The following GPC5 variants were observed in gnomAD, a reference collection of about 807,000 sequenced individuals.
The protein encoded by GPC5 is glypican 5, also known as glypican-5.
In GPC5, 47 loss-of-function variants were observed where a neutral mutation model predicts 53.9. The ratio of observed to expected loss-of-function variants is 0.87; its 90% CI spans 0.69 to 1.11. GPC5 has a LOEUF of 1.11. Ranked by LOEUF, GPC5 falls within the 50% of genes most tolerant of loss-of-function variation. The probability of loss-of-function intolerance (pLI) is 0.00; values close to 1 mark genes in which losing one functional copy is unlikely to be tolerated. For missense variants in GPC5, 748 were observed against 713.1 expected (o/e 1.05, Z -0.56); for synonymous variants, 286 against 263.3 (o/e 1.09, Z -0.84).
chr13:92,662,566 G>C (rs755966123), intron 7 of GPC5, among the ~76,000 whole-genome samples: 2 of 152,112 alleles, frequency 1.3e-5, no homozygotes, highest in Non-Finnish European at 2.9e-5. Flanking sequence ...TGTCCCGCCA[G>C]CCAGCCACTC....
In GPC5 at chr13:91,478,935, A is replaced by G. The variant is rs562746390; in HGVS notation, c.325+30013A>G. Among the ~76,000 whole-genome samples, 3 of 126,136 alleles carry G rather than the reference A, an allele frequency of 2.4e-5. No homozygotes were observed. In the South Asian group the frequency reaches 8.8e-4, roughly 37 times the overall value. 82.8% of individuals were successfully genotyped at this position (126,136 alleles called of 152,430 possible). On this transcript the variant is annotated intron_variant, in intron 2 of 7. Transcript: ENST00000377067. The stretch of plus-strand genomic sequence containing the variant: ...TATATATTCTTTTTTTTTTCTTTAG[A>G]TGCAGTCTTGTTCTGTTACCCACGT...
intron 6 of GPC5, among the ~76,000 whole-genome samples, chr13:92,061,360 T>C (rs997106754): frequency 1.3e-5 from 2 of 152,042 alleles, no homozygotes; most frequent in African/African-American, 2.4e-5. Flanking sequence ...TTAACTAATA[T>C]GTGGTTTACA....
chr13:91,834,864 A>C (rs1000415603), intron 5 of GPC5, among the ~76,000 whole-genome samples: 6 of 152,202 alleles, frequency 3.9e-5, no homozygotes, highest in Non-Finnish European at 8.8e-5. Context: ...AAACACCAAA[A>C]GCAATGGCAA....
At chr13:91,433,247 C>T (rs1019367907) in intron 1 of GPC5, among the ~76,000 whole-genome samples, 3 of 150,730 alleles carry the variant, frequency 2.0e-5, no homozygotes, top group East Asian at 1.9e-4. Context: ...ATGTGCACAA[C>T]ATGCAGGTTT....
chr13:92,413,270 C>T (rs1876130002), intron 7 of GPC5, among the ~76,000 whole-genome samples: 1 of 152,162 alleles, frequency 6.6e-6, no homozygotes, highest in South Asian at 2.1e-4. Flanking sequence ...GGTTTTACAG[C>T]TCCTTAACAC....
chr13:91,564,136 CAT>C (rs1160377270), intron 2 of GPC5, among the ~76,000 whole-genome samples: 4 of 152,326 alleles, frequency 2.6e-5, no homozygotes, highest in African/African-American at 4.8e-5. Flanking sequence ...TAACACGAAA[CAT>C]GTGTCCTTTT....
At chr13:92,149,556 C>T (rs2041892383) in intron 7 of GPC5, among the ~76,000 whole-genome samples, 1 of 151,946 alleles carries the variant, frequency 6.6e-6, no homozygotes, top group African/African-American at 2.4e-5. Flanking sequence ...ACAAATGTAT[C>T]CATGTCAGCG....
At chr13:92,215,705 C>T (rs948128721) in intron 7 of GPC5, among the ~76,000 whole-genome samples, 1 of 152,208 alleles carries the variant, frequency 6.6e-6, no homozygotes, top group Non-Finnish European at 1.5e-5. Flanking sequence ...TTCATGGTTT[C>T]ATTCTTGTCC....
At chr13:92,410,034 A>G (rs372145672) in intron 7 of GPC5, among the ~76,000 whole-genome samples, 2 of 152,326 alleles carry the variant, frequency 1.3e-5, no homozygotes, top group East Asian at 3.9e-4. Flanking sequence ...TTATCTTGAT[A>G]TATTTCATAT....
chr13:91,793,062 C>A (rs1430746453), intron 5 of GPC5, among the ~76,000 whole-genome samples: 1 of 152,108 alleles, frequency 6.6e-6, no homozygotes, highest in African/African-American at 2.4e-5. Context: ...AGTCTGTTCT[C>A]ATTCTGCTGC....
intron 2 of GPC5, among the ~76,000 whole-genome samples, chr13:91,572,574 C>T (rs10047728): frequency 0.13 from 19,596 of 151,762 alleles, 1,608 homozygotes; most frequent in African/African-American, 0.22. Flanking sequence ...GTGCCAGGCT[C>T]TTTAAACAAC....
intron 7 of GPC5, among the ~76,000 whole-genome samples, chr13:92,345,732 A>G (rs1422438150): frequency 6.6e-6 from 1 of 152,148 alleles, no homozygotes; most frequent in East Asian, 1.9e-4. Flanking sequence ...AGAAAACTGG[A>G]GGCATCCAAT....
chr13:91,723,009 A>G (rs962486376), intron 3 of GPC5, among the ~76,000 whole-genome samples: 1 of 152,156 alleles, frequency 6.6e-6, no homozygotes, highest in Non-Finnish European at 1.5e-5. Flanking sequence ...ACTAGAATGT[A>G]CTAGTGTTTT....
chr13:91,894,513 G>A (rs1310209865), intron 5 of GPC5, among the ~76,000 whole-genome samples: 1 of 152,282 alleles, frequency 6.6e-6, no homozygotes, highest in South Asian at 2.1e-4. Flanking sequence ...GTCCCAGAAA[G>A]CTTGGCATGC....
At chr13:92,560,931 A>C (rs1378231545) in intron 7 of GPC5, among the ~76,000 whole-genome samples, 4 of 150,766 alleles carry the variant, frequency 2.7e-5, no homozygotes, top group Non-Finnish European at 5.9e-5. Context: ...CTAACAGCCA[A>C]GTCATTAAGG....
intron 2 of GPC5, among the ~76,000 whole-genome samples, chr13:91,449,164 A>G (rs1953446294): frequency 6.6e-6 from 1 of 152,134 alleles, no homozygotes; most frequent in Non-Finnish European, 1.5e-5. Flanking sequence ...GATCGTTGGA[A>G]ATATATACTG....
intron 7 of GPC5, among the ~76,000 whole-genome samples, chr13:92,738,152 C>G (rs1260254630): frequency 6.6e-6 from 1 of 151,986 alleles, no homozygotes; most frequent in Non-Finnish European, 1.5e-5. Flanking sequence ...ATAAGATTCA[C>G]TACAACCATA....
At chr13:91,831,938 G>A (rs1192902331) in intron 5 of GPC5, among the ~76,000 whole-genome samples, 39 of 151,964 alleles carry the variant, frequency 2.6e-4, no homozygotes, top group Non-Finnish European at 1.5e-5. Context: ...ATATTCTATC[G>A]ATTTGGAGTG....
chr13:92,459,122 T>G (rs1566599582), intron 7 of GPC5, among the ~76,000 whole-genome samples: 1 of 152,192 alleles, frequency 6.6e-6, no homozygotes, highest in Non-Finnish European at 1.5e-5. Flanking sequence ...ATACTGGGTT[T>G]TATCAAAGTG....
Sources: gnomAD v4.1 joint callset for allele counts (sites outside exome capture counted in the v4.1 genomes callset) on GRCh38, gnomAD v4.1.1 for gene constraint, MANE v1.5 for transcripts, NCBI Gene and HGNC (gene_info 2026-07-23, HGNC 2026-07-21) for gene names.